RUBCNL: variants seen among roughly 807,000 people sequenced by gnomAD.
The protein encoded by RUBCNL is rubicon like autophagy enhancer, also known as protein associated with UVRAG as autophagy enhancer.
In RUBCNL, 62 loss-of-function variants were observed where a neutral mutation model predicts 69.5. The observed-to-expected ratio is 0.89, with a 90% CI of 0.73 to 1.10. The LOEUF is 1.10. RUBCNL is among the 50% of genes least tolerant of loss of function. RUBCNL has a pLI of 0.00. For missense variants in RUBCNL, 768 were observed against 798.1 expected (o/e 0.96, Z 0.45); for synonymous variants, 291 against 303.6 (o/e 0.96, Z 0.43).
chr13:46,357,090 C>T (rs1413236649), intron 9 of RUBCNL, among the ~76,000 whole-genome samples: 1 of 150,642 alleles, frequency 6.6e-6, no homozygotes, highest in African/African-American at 2.4e-5. Context: ...CGCCTGTAAT[C>T]CCAGCACTTT....
intron 1 of RUBCNL, chr13:46,378,561 C>G (rs2765624): frequency 6.6e-6 from 1 of 151,682 alleles, no homozygotes; most frequent in Non-Finnish European, 1.5e-5. Flanking sequence ...TTCAGGACAC[C>G]TCCAGCCAAG....
intron 5 of RUBCNL, among the ~76,000 whole-genome samples, chr13:46,365,302 C>CAAAAAAAA (rs34280215): frequency 1.7e-5 from 1 of 59,456 alleles, no homozygotes; most frequent in Non-Finnish European, 3.2e-5. Flanking sequence ...GACTCCATCT[C>CAAAAAAAA]AAAAAAAAAA....
chr13:46,354,869 G>A (rs192973039), intron 10 of RUBCNL: 1 of 456,528 alleles, frequency 2.2e-6, no homozygotes, highest in East Asian at 6.9e-5. Context: ...ACAAGCTTAG[G>A]GAAATAACAA....
At chr13:46,377,816 A>T in intron 2 of RUBCNL, 74 bp downstream of exon 2, 1 of 820,420 alleles carries the variant, frequency 1.2e-6, no homozygotes, top group Non-Finnish European at 2.0e-6. Context: ...GGCCCATAAT[A>T]GATTCACAAC....
chr13:46,344,654 G>C (rs980058918), intron 14 of RUBCNL, 87 bp downstream of exon 14: 3 of 852,398 alleles, frequency 3.5e-6, no homozygotes, highest in African/African-American at 3.4e-5. Context: ...CTATTATTCA[G>C]CTTAAGTTAA....
intron 12 of RUBCNL, among the ~76,000 whole-genome samples, chr13:46,347,861 C>T (rs1463161681): frequency 6.6e-6 from 1 of 152,046 alleles, no homozygotes; most frequent in African/African-American, 2.4e-5. Flanking sequence ...GATGTGGTTG[C>T]GGGCGCCTGT....
intron 8 of RUBCNL, among the ~76,000 whole-genome samples, chr13:46,359,840 A>G (rs970148816): frequency 2.6e-5 from 4 of 152,206 alleles, no homozygotes; most frequent in African/African-American, 9.6e-5. Context: ...AGATGAGATC[A>G]CTTTTCTTAG....
intron 2 of RUBCNL, among the ~76,000 whole-genome samples, chr13:46,376,730 T>A (rs1371514897): frequency 6.6e-6 from 1 of 152,224 alleles, no homozygotes; most frequent in African/African-American, 2.4e-5. Flanking sequence ...TGTTAACCAT[T>A]CTATTCTTTC....
intron 3 of RUBCNL, among the ~76,000 whole-genome samples, chr13:46,369,321 T>G (rs2048829989): frequency 6.6e-6 from 1 of 152,080 alleles, no homozygotes. Flanking sequence ...CTCAAGCGAT[T>G]CTTCTACCTC....
intron 13 of RUBCNL, among the ~76,000 whole-genome samples, 185 bp from the exon 14 acceptor site, chr13:46,345,016 A>T (rs259737): frequency 0.27 from 41,327 of 152,126 alleles, 5,955 homozygotes; most frequent in Middle Eastern, 0.31. Flanking sequence ...TGTACATTCA[A>T]CCAATTCCAT....
chr13:46,346,355 C>T (rs2048245816), intron 12 of RUBCNL, among the ~76,000 whole-genome samples: 1 of 152,178 alleles, frequency 6.6e-6, no homozygotes, highest in South Asian at 2.1e-4. Context: ...CTCCACCTTA[C>T]TCTTCAAGCT....
chr13:46,358,529 CAT>C (rs1158066313), intron 9 of RUBCNL, among the ~76,000 whole-genome samples: 3 of 152,230 alleles, frequency 2.0e-5, no homozygotes, highest in East Asian at 1.9e-4. Flanking sequence ...AGAGAACAAA[CAT>C]ATTTTTATTT....
chr13:46,387,860 CATG>C, upstream of RUBCNL: 1 of 985,448 alleles, frequency 1.0e-6, no homozygotes. Context: ...GTCCTGAGAT[CATG>C]GTGGTGCTAG....
In RUBCNL at chr13:46,364,699, G is replaced by GTTT. The variant is rs35790339; in HGVS notation, c.827-1489_827-1487dup. On this transcript the variant is annotated intron_variant, in intron 5 of 14. Coordinates refer to ENST00000429979, the MANE Select transcript of RUBCNL (RefSeq NM_025113.5). Reference sequence around the variant, plus strand: ...ATGCACTCTGCTATTTTCTACCCTTGTTTTTTTTTTTTTTAATGTTCTCAG... The same window carrying GTTT: ...ATGCACTCTGCTATTTTCTACCCTTGTTTTTTTTTTTTTTTTTAATGTTCTCAG... 8.8e-3 allele frequency among the ~76,000 whole-genome samples: 1,204 copies of GTTT among 136,488 alleles called. 23 individuals carry two copies. Among genetic ancestry groups the GTTT allele is most frequent in the African/African-American group, 0.029 (1,083 of 37,342 alleles). 89.5% of individuals were successfully genotyped at this position (136,488 alleles called of 152,430 possible).
At chr13:46,379,112 CAG>C (rs1455287738) in intron 1 of RUBCNL, among the ~76,000 whole-genome samples, 1 of 152,086 alleles carries the variant, frequency 6.6e-6, no homozygotes, top group Non-Finnish European at 1.5e-5. Flanking sequence ...TTTTTTGAGA[CAG>C]AGTTTCCATC....
In RUBCNL at chr13:46,337,796, A is replaced by C. The variant is rs370292333; in HGVS notation, c.*5589T>G. ...CAGGAACTGAACAAAATAAAGGTTTATTCTTGCTTGTAAAAAGTCCAATGC... is the reference window on the plus strand; with the variant it reads ...CAGGAACTGAACAAAATAAAGGTTTCTTCTTGCTTGTAAAAAGTCCAATGC... On this transcript the variant is annotated 3_prime_UTR_variant, in exon 15 of 15. Transcript: ENST00000429979. Among the ~76,000 whole-genome samples, 4 of 152,298 alleles carry C rather than the reference A, an allele frequency of 2.6e-5. No individual in the cohort carries two copies. The East Asian group carries it at 5.8e-4, about 22-fold the overall frequency.
At chr13:46,371,362 C>T (rs760706248) in intron 3 of RUBCNL, among the ~76,000 whole-genome samples, 18 of 152,112 alleles carry the variant, frequency 1.2e-4, no homozygotes, top group African/African-American at 1.4e-4. Flanking sequence ...GTACTTCGCA[C>T]GGATTATCCA....
chr13:46,347,716 G>A (rs574231738), intron 12 of RUBCNL, among the ~76,000 whole-genome samples: 14 of 152,058 alleles, frequency 9.2e-5, no homozygotes, highest in African/African-American at 3.1e-4. Flanking sequence ...TTCTGGCTGG[G>A]CGCGGTGGCT....
rs1031291981 is a variant in RUBCNL, at chr13:46,361,349, T to A, written c.1119+92A>T. On this transcript the variant is annotated intron_variant, in intron 8 of 14. Transcript: ENST00000429979. ...AGTCTCCCCTAATATCCAGTGACCATACAAGGAAAGACAAATGTTTAAAGT... is the reference window on the plus strand; with the variant it reads ...AGTCTCCCCTAATATCCAGTGACCAAACAAGGAAAGACAAATGTTTAAAGT... The A allele has an allele frequency of 2.9e-6, 4 of 1,396,478 alleles. No homozygotes were observed. The African/African-American group carries it at 5.7e-5, about 20-fold the overall frequency. The allele number at this position is 1,396,478 out of a possible 1,614,324, so 86.5% of individuals were successfully genotyped here.
Sources: allele counts gnomAD v4.1 joint callset (sites outside exome capture counted in the v4.1 genomes callset), GRCh38; gene constraint gnomAD v4.1.1; transcripts MANE v1.5; gene names NCBI Gene and HGNC (gene_info 2026-07-23, HGNC 2026-07-21).